Variants in PARD3B observed in about 807,000 individuals in gnomAD.
The protein encoded by PARD3B is par-3 family cell polarity regulator beta.
A neutral mutation model predicts 130.2 loss-of-function variants in PARD3B; 103 were observed. The observed-to-expected ratio is 0.79, with a 90% confidence interval of 0.67 to 0.93. The LOEUF (loss-of-function observed/expected upper bound fraction) is 0.93. PARD3B is among the 40% of genes least tolerant of loss of function. The pLI is 0.00. For missense variants in PARD3B, 1,609 were observed against 1,499.2 expected, an observed-to-expected ratio of 1.07 and a Z score of -1.21; for synonymous variants, 583 against 553.2, an observed-to-expected ratio of 1.05 and a Z score of -0.76.
chr2:205,516,178 T>C (rs568458353), intron 21 of PARD3B, among the ~76,000 whole-genome samples: 128 of 152,326 alleles, frequency 8.4e-4, no homozygotes, highest in Middle Eastern at 3.4e-3. Flanking sequence ...ACCAGTACCA[T>C]GCTGTTTTGG....
At chr2:204,858,821 CAT>C (rs1389239710) in intron 2 of PARD3B, among the ~76,000 whole-genome samples, 1 of 148,402 alleles carries the variant, frequency 6.7e-6, no homozygotes, top group African/African-American at 2.5e-5. Flanking sequence ...TATAATATAA[CAT>C]GTTATATACC....
intron 2 of PARD3B, among the ~76,000 whole-genome samples, chr2:204,924,403 A>G (rs1325749755): frequency 6.6e-6 from 1 of 152,074 alleles, no homozygotes; most frequent in Non-Finnish European, 1.5e-5. Flanking sequence ...TAAAATTTCA[A>G]ACTAGTATTA....
At chr2:205,247,648 T>C (rs1183419962) in intron 16 of PARD3B, among the ~76,000 whole-genome samples, 2 of 152,156 alleles carry the variant, frequency 1.3e-5, no homozygotes, top group African/African-American at 4.8e-5. Context: ...TTAAGTGCTA[T>C]TATAACGTTA....
At chr2:205,371,077 T>G (rs865817074) in intron 18 of PARD3B, among the ~76,000 whole-genome samples, 1 of 152,234 alleles carries the variant, frequency 6.6e-6, no homozygotes. Flanking sequence ...CTTGACATCC[T>G]TAGTCATGGA....
Position 205,448,144 on chromosome 2 carries a change from C to T in PARD3B, c.3044+7472C>T, listed in dbSNP as rs1259061309. ...TAAACTCCCCCAGCTGTTTTAGCCC[C>T]TTCTTAAATTATAATTCACACCTTC... On this transcript the variant is annotated intron_variant, in intron 20 of 22. Coordinates refer to ENST00000406610, the MANE Select transcript of PARD3B (RefSeq NM_001302769.2). Among the ~76,000 whole-genome samples, 4 of 152,290 alleles carry T rather than the reference C, an allele frequency of 2.6e-5. No individual in the cohort carries two copies. In the East Asian group the frequency reaches 7.7e-4, roughly 29 times the overall value.
At chr2:205,432,069 C>T (rs937991140) in intron 19 of PARD3B, among the ~76,000 whole-genome samples, 5 of 152,090 alleles carry the variant, frequency 3.3e-5, no homozygotes, top group Admixed American at 1.3e-4. Flanking sequence ...AGGATGGGCT[C>T]TTGTGTGTTG....
chr2:205,611,563 C>A (rs962842135), intron 22 of PARD3B, among the ~76,000 whole-genome samples: 2 of 152,150 alleles, frequency 1.3e-5, no homozygotes, highest in African/African-American at 2.4e-5. Context: ...TTCTTTATTG[C>A]GTGCATCTAT....
chr2:205,396,359 C>T (rs918301335), intron 18 of PARD3B, among the ~76,000 whole-genome samples: 3 of 152,048 alleles, frequency 2.0e-5, no homozygotes, highest in African/African-American at 7.2e-5. Flanking sequence ...ATAATATTAA[C>T]CTATATCAAT....
chr2:205,210,288 T>G (rs1411927206), intron 15 of PARD3B, among the ~76,000 whole-genome samples: 1 of 152,044 alleles, frequency 6.6e-6, no homozygotes, highest in Non-Finnish European at 1.5e-5. Flanking sequence ...TTTATTCTCT[T>G]ATATACCTAC....
chr2:205,571,043 C>T (rs183873769), intron 22 of PARD3B, among the ~76,000 whole-genome samples: 6 of 152,270 alleles, frequency 3.9e-5, no homozygotes, highest in Non-Finnish European at 7.4e-5. Flanking sequence ...TATAGCTGTT[C>T]GTCTGCCACT....
chr2:204,893,601 TA>T (rs2046529510), intron 2 of PARD3B, among the ~76,000 whole-genome samples: 1 of 152,210 alleles, frequency 6.6e-6, no homozygotes, highest in African/African-American at 2.4e-5. Flanking sequence ...CAGCACAAAT[TA>T]ATTTTAATAG....
chr2:205,617,103 A>G lies in PARD3B; in HGVS notation c.*1290A>G, dbSNP rs2055462240. The G allele has an allele frequency of 6.5e-6, 1 of 154,420 alleles. No homozygotes were observed. Among genetic ancestry groups the G allele is most frequent in the African/African-American group, 2.4e-5 (1 of 41,540 alleles). 9.6% of individuals were successfully genotyped at this position (154,420 alleles called of 1,614,324 possible). A position where few individuals can be genotyped will look rare whatever the true frequency, so the allele number is the denominator to read the frequency against. ...GGTCAGGGCAGGGCCAAGGCCTCCA[A>G]TTGGCAAAGGACAGTGTTATGGCTT... is the stretch of plus-strand genomic sequence containing the variant. On this transcript the variant is annotated 3_prime_UTR_variant, in exon 23 of 23. Coordinates refer to ENST00000406610, the MANE Select transcript of PARD3B (RefSeq NM_001302769.2).
At chr2:204,662,721 G>C (rs1352726666) in intron 1 of PARD3B, among the ~76,000 whole-genome samples, 1 of 152,134 alleles carries the variant, frequency 6.6e-6, no homozygotes, top group Non-Finnish European at 1.5e-5. Context: ...CTGGTACTGG[G>C]TAGTGGTAAA....
At chr2:205,084,765 T>C (rs1447609582) in intron 4 of PARD3B, among the ~76,000 whole-genome samples, 2 of 151,958 alleles carry the variant, frequency 1.3e-5, no homozygotes, top group African/African-American at 4.8e-5. Context: ...GAGAACAAGA[T>C]GTAAGATGTG....
At chr2:205,068,210 T>C (rs1441789468) in intron 4 of PARD3B, among the ~76,000 whole-genome samples, 1 of 152,162 alleles carries the variant, frequency 6.6e-6, no homozygotes, top group African/African-American at 2.4e-5. Context: ...TACTCAGATT[T>C]TCTGTTTTGT....
In PARD3B at chr2:205,300,783, C is replaced by G; in HGVS notation, c.2392+47C>G. 1 of 1,555,044 alleles carries G rather than the reference C, an allele frequency of 6.4e-7. No homozygotes were observed. Among genetic ancestry groups the G allele is most frequent in the African/African-American group, 1.4e-5 (1 of 73,506 alleles). On this transcript the variant is annotated intron_variant, in intron 17 of 22. Coordinates refer to ENST00000406610, the MANE Select transcript of PARD3B (RefSeq NM_001302769.2). The surrounding 1 kb of genome is among the most constrained non-coding windows in gnomAD (Gnocchi z 4.1). Reference sequence around the variant, plus strand: ...AATGGCTTCTTCATCTCATTATTATCTGCAAATCATGGGCAAGAATGTGTG... The same window carrying G: ...AATGGCTTCTTCATCTCATTATTATGTGCAAATCATGGGCAAGAATGTGTG...
At chr2:205,586,981 G>A (rs183875451) in intron 22 of PARD3B, among the ~76,000 whole-genome samples, 2 of 152,236 alleles carry the variant, frequency 1.3e-5, no homozygotes, top group East Asian at 1.9e-4. Context: ...TGAATTTCTC[G>A]AGTCTTTCTT....
chr2:205,327,095 TTTTA>T (rs1454157235), intron 18 of PARD3B, among the ~76,000 whole-genome samples: 1 of 152,130 alleles, frequency 6.6e-6, no homozygotes, highest in African/African-American at 2.4e-5. Flanking sequence ...AATATGAAAA[TTTTA>T]TTTAAAGATC....
intron 2 of PARD3B, among the ~76,000 whole-genome samples, chr2:204,926,866 T>A (rs1687659476): frequency 6.6e-6 from 1 of 152,114 alleles, no homozygotes; most frequent in South Asian, 2.1e-4. Context: ...ATATTAGTCC[T>A]ATGTTAAAAT....
Sources: allele counts gnomAD v4.1 joint callset (sites outside exome capture counted in the v4.1 genomes callset), GRCh38; gene constraint gnomAD v4.1.1; non-coding constraint Gnocchi (gnomAD v3.1); transcripts MANE v1.5; gene names NCBI Gene and HGNC (gene_info 2026-07-23, HGNC 2026-07-21).